OPCML: variants seen among roughly 807,000 people sequenced by gnomAD.
OPCML encodes opioid-binding protein/cell adhesion molecule.
OPCML carries 13 observed loss-of-function variants against 37.8 expected under a neutral mutation model. The observed-to-expected ratio is 0.34, with a 90% CI of 0.22 to 0.55. The LOEUF (loss-of-function observed/expected upper bound fraction) is 0.55. OPCML is among the 20% of genes least tolerant of loss of function. The pLI is 0.91. For synonymous variants in OPCML, 176 were observed against 168.8 expected, an observed-to-expected ratio of 1.04 and a Z score of -0.33; for missense variants, 341 against 435.6, an observed-to-expected ratio of 0.78 and a Z score of 1.93.
intron 2 of OPCML, among the ~76,000 whole-genome samples, chr11:132,744,027 C>G (rs1303363467): frequency 6.6e-6 from 1 of 152,172 alleles, no homozygotes; most frequent in Non-Finnish European, 1.5e-5. Flanking sequence ...GCTAAGTGAT[C>G]CTTGGCATTT....
intron 2 of OPCML, among the ~76,000 whole-genome samples, chr11:132,758,284 CG>C (rs1343868810): frequency 6.6e-6 from 1 of 152,118 alleles, no homozygotes; most frequent in African/African-American, 2.4e-5. Context: ...CTTGGCTGTA[CG>C]GCCTCTTCTT....
At chr11:132,635,031 GC>G (rs1337267101) in intron 3 of OPCML, among the ~76,000 whole-genome samples, 1 of 152,066 alleles carries the variant, frequency 6.6e-6, no homozygotes, top group Non-Finnish European at 1.5e-5. Context: ...TAAGATTTGT[GC>G]AATTGTGTTT....
chr11:132,514,375 T>G (rs2096275374), intron 4 of OPCML, among the ~76,000 whole-genome samples: 1 of 152,132 alleles, frequency 6.6e-6, no homozygotes, highest in Non-Finnish European at 1.5e-5. Context: ...CGACAGAGCT[T>G]GAAGGATCAG....
chr11:132,615,500 A>G (rs969611805), intron 3 of OPCML, among the ~76,000 whole-genome samples: 2 of 152,248 alleles, frequency 1.3e-5, no homozygotes, highest in African/African-American at 4.8e-5. Context: ...ACAGAAATAC[A>G]GCAATAAAAA....
chr11:132,545,471 A>G (rs141771008), intron 3 of OPCML, among the ~76,000 whole-genome samples: 67 of 152,350 alleles, frequency 4.4e-4, no homozygotes, highest in African/African-American at 1.3e-3. Flanking sequence ...AAGCTACATA[A>G]TATCTTGTTT....
At chr11:133,470,901 G>A (rs1947095667) in intron 1 of OPCML, among the ~76,000 whole-genome samples, 1 of 152,144 alleles carries the variant, frequency 6.6e-6, no homozygotes, top group African/African-American at 2.4e-5. Flanking sequence ...AACAAAGCTG[G>A]TCCCTGACAC....
chr11:132,543,862 A>G (rs1284369575), intron 3 of OPCML, among the ~76,000 whole-genome samples: 1 of 152,154 alleles, frequency 6.6e-6, no homozygotes, highest in Non-Finnish European at 1.5e-5. Flanking sequence ...AGCTTCCCAA[A>G]TAATTATTAT....
chr11:133,439,588 C>T (rs1946318445), intron 1 of OPCML, among the ~76,000 whole-genome samples: 1 of 152,066 alleles, frequency 6.6e-6, no homozygotes, highest in Admixed American at 6.5e-5. Context: ...CTGCCTCAGC[C>T]TCCCGAGTGG....
chr11:132,717,606 A>G (rs1944538193), intron 2 of OPCML, among the ~76,000 whole-genome samples: 1 of 152,226 alleles, frequency 6.6e-6, no homozygotes, highest in Admixed American at 6.5e-5. Context: ...TATTTTTCAA[A>G]TTTTCTAAGA....
intron 1 of OPCML, among the ~76,000 whole-genome samples, chr11:133,119,579 G>A (rs1454530346): frequency 1.3e-5 from 2 of 152,090 alleles, no homozygotes; most frequent in African/African-American, 2.4e-5. Context: ...TTTCAGCAGA[G>A]GGGAGAAACC....
chr11:132,894,420 T>A (rs1435796092), intron 2 of OPCML, among the ~76,000 whole-genome samples: 1 of 152,228 alleles, frequency 6.6e-6, no homozygotes. Flanking sequence ...CTTAATTTCT[T>A]CTTTATCCTC....
rs76392848 is a variant in OPCML at position 132,864,573 on chromosome 11, T to A, written c.146+78353A>T. Among the ~76,000 whole-genome samples the A allele has an allele frequency of 7.9e-3, 1,207 of 152,328 alleles. 23 individuals are homozygous for A. Among genetic ancestry groups the A allele is most frequent in the African/African-American group, 0.027 (1,103 of 41,568 alleles). On this transcript the variant is annotated intron_variant, in intron 2 of 7. Transcript: ENST00000524381. ...CAAAGCAGTATGTAAAAATCAGGTC[T>A]AAAATTTCTCTGCCATTGGTCATCT... is the stretch of plus-strand genomic sequence containing the variant.
chr11:133,062,370 G>A (rs898244019), intron 1 of OPCML, among the ~76,000 whole-genome samples: 2 of 152,132 alleles, frequency 1.3e-5, no homozygotes, highest in East Asian at 1.9e-4. Flanking sequence ...AGGCAAAATC[G>A]GTGTCTTCTC....
chr11:133,292,269 C>G (rs1410140586), intron 1 of OPCML, among the ~76,000 whole-genome samples: 1 of 152,032 alleles, frequency 6.6e-6, no homozygotes, highest in African/African-American at 2.4e-5. Flanking sequence ...ATGCCTTTTC[C>G]AGCTCCTGGA....
intron 1 of OPCML, among the ~76,000 whole-genome samples, chr11:133,264,315 G>A (rs1941586611): frequency 6.6e-6 from 1 of 152,224 alleles, no homozygotes; most frequent in Non-Finnish European, 1.5e-5. Flanking sequence ...AGGACAGGAC[G>A]CTGTGGTTTC....
At chr11:132,912,491 T>C (rs1025519345) in intron 2 of OPCML, among the ~76,000 whole-genome samples, 8 of 152,336 alleles carry the variant, frequency 5.3e-5, no homozygotes, top group Non-Finnish European at 1.0e-4. Context: ...TAAAAAAGCA[T>C]ATTTTTTATG....
chr11:132,928,195 G>A (rs1945065628), intron 2 of OPCML, among the ~76,000 whole-genome samples: 1 of 151,962 alleles, frequency 6.6e-6, no homozygotes. Context: ...TGGCAGAATG[G>A]ATTAAAAAAC....
intron 2 of OPCML, among the ~76,000 whole-genome samples, chr11:132,683,525 T>A (rs1322846940): frequency 2.6e-5 from 4 of 152,330 alleles, no homozygotes; most frequent in Admixed American, 1.3e-4. Context: ...TGTATGACTT[T>A]TCGTAACTTA....
intron 1 of OPCML, among the ~76,000 whole-genome samples, chr11:133,320,082 C>T (rs1943295145): frequency 6.6e-6 from 1 of 152,130 alleles, no homozygotes; most frequent in East Asian, 1.9e-4. Flanking sequence ...GCAATGCATT[C>T]CTCTCCAGTA....
Sources: allele counts gnomAD v4.1 joint callset (sites outside exome capture counted in the v4.1 genomes callset), GRCh38; gene constraint gnomAD v4.1.1; transcripts MANE v1.5; gene names NCBI Gene and HGNC (gene_info 2026-07-23, HGNC 2026-07-21).